The following SEMA3D variants were observed in gnomAD, a reference collection of about 807,000 sequenced individuals.
The protein encoded by SEMA3D is semaphorin-3D.
A neutral mutation model predicts 100.1 loss-of-function variants in SEMA3D; 84 were observed. The observed-to-expected ratio is 0.84, with a 90% confidence interval of 0.70 to 1.01. The LOEUF is 1.01. Ranked by LOEUF, SEMA3D falls within the 50% of genes least tolerant of loss-of-function variation. The pLI is 0.00. For synonymous variants in SEMA3D, 312 were observed against 320.7 expected, an observed-to-expected ratio of 0.97 and a Z score of 0.29; for missense variants, 875 against 934.1, an observed-to-expected ratio of 0.94 and a Z score of 0.82.
chr7:85,155,402 GC>G (rs1349929318), intron 1 of SEMA3D, among the ~76,000 whole-genome samples: 1 of 152,052 alleles, frequency 6.6e-6, no homozygotes, highest in African/African-American at 2.4e-5. Context: ...TGTTTATGAG[GC>G]TATCATCTTA....
the SEMA3D span, among the ~76,000 whole-genome samples, chr7:85,236,228 A>G: frequency 6.6e-6 from 1 of 151,818 alleles, no homozygotes; most frequent in Non-Finnish European, 1.5e-5. Flanking sequence ...CATTATATTT[A>G]TTAAAACACT....
upstream of SEMA3D, among the ~76,000 whole-genome samples, chr7:85,188,025 C>T (rs749454496): frequency 3.9e-4 from 59 of 152,274 alleles, 2 homozygotes; most frequent in Non-Finnish European, 5.9e-5. Context: ...CATTTGTCAG[C>T]TTGATTTAAG....
chr7:85,240,853 T>C, the SEMA3D span, among the ~76,000 whole-genome samples: 3 of 152,054 alleles, frequency 2.0e-5, no homozygotes, highest in Non-Finnish European at 4.4e-5. Context: ...GTCATTTCTC[T>C]TATTAGAAAT....
At chr7:85,235,963 C>A in the SEMA3D span, among the ~76,000 whole-genome samples, 1 of 152,122 alleles carries the variant, frequency 6.6e-6, no homozygotes, top group Non-Finnish European at 1.5e-5. Flanking sequence ...TTAAAAATTT[C>A]TTAGTATATG....
At chr7:85,133,599 G>A (rs577919206) in intron 2 of SEMA3D, among the ~76,000 whole-genome samples, 1 of 151,864 alleles carries the variant, frequency 6.6e-6, no homozygotes, top group East Asian at 1.9e-4. Flanking sequence ...TAGCAACTGA[G>A]ATAAAATTCT....
the SEMA3D span, among the ~76,000 whole-genome samples, chr7:85,203,186 T>C: frequency 6.6e-6 from 1 of 152,322 alleles, no homozygotes; most frequent in East Asian, 1.9e-4. Flanking sequence ...AGCAGAAATA[T>C]GCGATAGATA....
chr7:85,112,840 C>T (rs1789129838), intron 3 of SEMA3D, among the ~76,000 whole-genome samples: 1 of 152,150 alleles, frequency 6.6e-6, no homozygotes, highest in Non-Finnish European at 1.5e-5. Flanking sequence ...CACTGTTTGT[C>T]TCCCTAACTG....
chr7:85,202,410 A>C, the SEMA3D span, among the ~76,000 whole-genome samples: 15 of 152,142 alleles, frequency 9.9e-5, no homozygotes, highest in East Asian at 2.9e-3. Flanking sequence ...ATGGCTGCAT[A>C]GTATTCCATG....
the SEMA3D span, among the ~76,000 whole-genome samples, chr7:85,197,889 T>A: frequency 8.9e-4 from 135 of 152,312 alleles, no homozygotes; most frequent in Non-Finnish European, 1.5e-3. Context: ...GTAGAATGGA[T>A]GAATATATTG....
chr7:85,167,621 A>G (rs539444067), intron 1 of SEMA3D, among the ~76,000 whole-genome samples: 1 of 151,996 alleles, frequency 6.6e-6, no homozygotes, highest in African/African-American at 2.4e-5. Context: ...TTAAGAAGGA[A>G]GGGTGTATTT....
chr7:85,185,191 C>A (rs985567630), intron 1 of SEMA3D, among the ~76,000 whole-genome samples: 1 of 152,124 alleles, frequency 6.6e-6, no homozygotes, highest in African/African-American at 2.4e-5. Flanking sequence ...ACGTGCAGAA[C>A]TGGGAAGGCT....
chr7:85,135,511 G>C (rs1190822414), intron 2 of SEMA3D, among the ~76,000 whole-genome samples: 2 of 151,928 alleles, frequency 1.3e-5, no homozygotes, highest in Non-Finnish European at 2.9e-5. Flanking sequence ...GTCGTGAGGT[G>C]GGGGTAGAGG....
At chr7:85,025,883 C>G (rs1211690862) in intron 12 of SEMA3D, among the ~76,000 whole-genome samples, 1 of 152,034 alleles carries the variant, frequency 6.6e-6, no homozygotes, top group East Asian at 1.9e-4. Flanking sequence ...CTCTCCCTCT[C>G]CTTTTCTTTA....
chr7:85,003,417 A>T (rs1789707696), intron 18 of SEMA3D, among the ~76,000 whole-genome samples: 1 of 152,066 alleles, frequency 6.6e-6, no homozygotes, highest in African/African-American at 2.4e-5. Flanking sequence ...TAAATACAAT[A>T]TGCAAAATGT....
chr7:85,076,601 A>T (rs2116210289), intron 5 of SEMA3D, among the ~76,000 whole-genome samples: 1 of 152,328 alleles, frequency 6.6e-6, no homozygotes, highest in Admixed American at 6.5e-5. Flanking sequence ...AGCTAATTTT[A>T]ATTTATTTAT....
the SEMA3D span, among the ~76,000 whole-genome samples, chr7:85,239,952 T>C: frequency 6.6e-6 from 1 of 152,216 alleles, no homozygotes; most frequent in South Asian, 2.1e-4. Flanking sequence ...ATAATCATGT[T>C]TTCTACAAAG....
chr7:85,193,890 G>T, the SEMA3D span, among the ~76,000 whole-genome samples: 1 of 145,080 alleles, frequency 6.9e-6, no homozygotes, highest in Non-Finnish European at 1.5e-5. Flanking sequence ...AAAAAAAAAC[G>T]CAGTTTAAAG....
the SEMA3D span, among the ~76,000 whole-genome samples, chr7:85,213,414 TTA>T: frequency 1.3e-5 from 2 of 152,082 alleles, no homozygotes; most frequent in Non-Finnish European, 2.9e-5. Context: ...TTCACATCAT[TTA>T]TATGTTATCA....
intron 3 of SEMA3D, among the ~76,000 whole-genome samples, chr7:85,121,047 T>C (rs527613119): frequency 3.9e-4 from 60 of 152,268 alleles, no homozygotes; most frequent in African/African-American, 1.3e-3. Flanking sequence ...CCTATCACAT[T>C]GAGAATAAAG....
Sources: gnomAD v4.1 joint callset for allele counts (sites outside exome capture counted in the v4.1 genomes callset) on GRCh38, gnomAD v4.1.1 for gene constraint, MANE v1.5 for transcripts, NCBI Gene and HGNC (gene_info 2026-07-23, HGNC 2026-07-21) for gene names.